KRIT1: variants seen among roughly 807,000 people sequenced by gnomAD.
KRIT1 encodes the protein krev interaction trapped protein 1.
In KRIT1, 45 loss-of-function variants were observed where a neutral mutation model predicts 95.8. That is an observed-to-expected ratio of 0.47 (90% confidence interval 0.37 to 0.60). The LOEUF (loss-of-function observed/expected upper bound fraction) is 0.60. Among genes scored for constraint, KRIT1 ranks in the 20% least tolerant of loss-of-function variants. The pLI is 0.00. For synonymous variants in KRIT1, 282 were observed against 278.8 expected, an observed-to-expected ratio of 1.01 and a Z score of -0.11; for missense variants, 788 against 877.5, an observed-to-expected ratio of 0.90 and a Z score of 1.29.
At chr7:92,235,690 A>C (rs759702933) in intron 7 of KRIT1, 44 bp from the exon 8 acceptor site, 4 of 1,593,680 alleles carry the variant, frequency 2.5e-6, no homozygotes, top group Admixed American at 1.7e-5. Flanking sequence ...TTCGAAAGTG[A>C]AGATGAAAAA....
At chr7:92,242,197 T>A in intron 3 of KRIT1, 60 bp from the exon 4 acceptor site, 3 of 914,182 alleles carry the variant, frequency 3.3e-6, no homozygotes, top group Admixed American at 1.8e-5. Flanking sequence ...GATGGCAAGA[T>A]AAAAAAAAGT....
chr7:92,213,437 A>C (rs1459813810), intron 16 of KRIT1, 36 bp from the exon 17 acceptor site: 7 of 1,399,376 alleles, frequency 5.0e-6, no homozygotes, highest in Non-Finnish European at 6.1e-6. Context: ...AATAAAAGAG[A>C]TATGAAAGGA....
chr7:92,239,510 G>C (rs1430714341), intron 5 of KRIT1, among the ~76,000 whole-genome samples: 2 of 152,138 alleles, frequency 1.3e-5, no homozygotes, highest in Non-Finnish European at 2.9e-5. Context: ...GACTGAGGTA[G>C]ATAAGACTGA....
chr7:92,228,456 T>C (rs1796646717), intron 10 of KRIT1, among the ~76,000 whole-genome samples: 1 of 152,218 alleles, frequency 6.6e-6, no homozygotes, highest in South Asian at 2.1e-4. Context: ...TGATTTTCCA[T>C]CTGTTTTTCC....
chr7:92,221,975 A>G lies in KRIT1; in HGVS notation c.1490T>C (p.Leu497Pro), dbSNP rs1161326710. Residue 497 changes from leucine to proline, a missense_variant, in exon 14 of 19, where the codon CTG becomes CCG. Coordinates refer to ENST00000394505, the MANE Select transcript of KRIT1 (RefSeq NM_194454.3). ...CTGAGGTGTTTCCCTTTGAGGATCC[A>G]GATTAGTCAATTCAGCAAGTATTTC... ...WPEILAELTNLDPQRETPQLF... is the reference protein window; with the variant it reads ...WPEILAELTNPDPQRETPQLF... 3.7e-6 allele frequency: 6 copies of G among 1,613,370 alleles called. No homozygotes were observed. The highest frequency in any genetic ancestry group is 2.7e-5 in the African/African-American group (2 of 74,914).
intron 10 of KRIT1, among the ~76,000 whole-genome samples, chr7:92,229,426 A>G (rs1236174994): frequency 6.6e-6 from 1 of 152,194 alleles, no homozygotes; most frequent in Admixed American, 6.6e-5. Flanking sequence ...TCCAGCACCT[A>G]TAAGAAACTT....
In KRIT1 at chr7:92,244,949, C is replaced by T. The variant is rs1800555585; in HGVS notation, c.-198G>A. On this transcript the variant is annotated 5_prime_UTR_variant, in exon 2 of 19. Coordinates refer to ENST00000394505, the MANE Select transcript of KRIT1 (RefSeq NM_194454.3). Reference sequence around the variant, plus strand: ...AGGGCATTTCTGGTTGTCACTATGACTGATGAGGGGAGATGTACAACTGCC... The same window carrying T: ...AGGGCATTTCTGGTTGTCACTATGATTGATGAGGGGAGATGTACAACTGCC... 6.6e-6 allele frequency: 1 copy of T among 152,018 alleles called. No homozygotes were observed. The highest frequency in any genetic ancestry group is 1.5e-5 in the Non-Finnish European group (1 of 68,032). The allele number at this position is 152,018 out of a possible 1,614,324, so 9.4% of individuals were successfully genotyped here. A position where few individuals can be genotyped will look rare whatever the true frequency, so the allele number is the denominator to read the frequency against.
intron 17 of KRIT1, among the ~76,000 whole-genome samples, chr7:92,208,693 C>T (rs968884870): frequency 6.6e-6 from 1 of 151,972 alleles, no homozygotes; most frequent in Admixed American, 6.6e-5. Flanking sequence ...GATAAATTCT[C>T]GGTAATGAGG....
At chr7:92,220,012 T>G (rs1794803709) in intron 14 of KRIT1, among the ~76,000 whole-genome samples, 1 of 152,246 alleles carries the variant, frequency 6.6e-6, no homozygotes, top group South Asian at 2.1e-4. Context: ...CTAGCTTTCT[T>G]GTGGATTCTT....
intron 10 of KRIT1, 22 bp from the exon 11 acceptor site, chr7:92,226,704 C>CA (rs749027932): frequency 6.2e-7 from 1 of 1,607,678 alleles, no homozygotes; most frequent in Admixed American, 1.7e-5. Context: ...AACAAACAAA[C>CA]AAAAAACAAC....
chr7:92,240,967 T>A, intron 5 of KRIT1, 26 bp downstream of exon 5: 2 of 1,539,386 alleles, frequency 1.3e-6, no homozygotes, highest in Non-Finnish European at 1.8e-6. Flanking sequence ...TTAAACAATG[T>A]GTTTTTTAAA....
At chr7:92,208,039 T>C (rs745317615) in intron 17 of KRIT1, among the ~76,000 whole-genome samples, 10 of 151,778 alleles carry the variant, frequency 6.6e-5, no homozygotes, top group Non-Finnish European at 1.3e-4. Flanking sequence ...AAACTATAAA[T>C]CAGTAACAAA....
intron 14 of KRIT1, among the ~76,000 whole-genome samples, chr7:92,216,033 T>C (rs1771793407): frequency 6.6e-6 from 1 of 151,808 alleles, no homozygotes; most frequent in Non-Finnish European, 1.5e-5. Context: ...ATCGAGACCA[T>C]GCTGGCTAAC....
chr7:92,217,458 C>A (rs1794221720), intron 14 of KRIT1, among the ~76,000 whole-genome samples: 4 of 152,116 alleles, frequency 2.6e-5, no homozygotes, highest in South Asian at 4.1e-4. Flanking sequence ...CCTCTGATAA[C>A]CTCCAATCTA....
intron 18 of KRIT1, 143 bp downstream of exon 18, chr7:92,201,155 AGAAGGCCTG>A (rs1790049129): frequency 1.6e-6 from 1 of 630,928 alleles, no homozygotes. Context: ...TTCCTTGCTT[AGAAGGCCTG>A]GCTTTATTCC....
chr7:92,234,803 A>G lies in KRIT1; in HGVS notation c.845+5T>C. On this transcript the variant is annotated splice_donor_5th_base_variant and intron_variant, in intron 9 of 18. Transcript: ENST00000394505. ...AAGCAATGTGGAGTAAAACCGAAAC[A>G]GTACTTGTCTTCTGTGACACTGCTC... 6 of 1,512,470 alleles carry G rather than the reference A, an allele frequency of 4.0e-6. No individual in the cohort carries two copies. Among genetic ancestry groups the G allele is most frequent in the Non-Finnish European group, 5.5e-6 (6 of 1,087,252 alleles). 93.7% of individuals were successfully genotyped at this position (1,512,470 alleles called of 1,614,324 possible). A position where few individuals can be genotyped will look rare whatever the true frequency, so the allele number is the denominator to read the frequency against.
chr7:92,203,053 A>C (rs1455633089), intron 17 of KRIT1, among the ~76,000 whole-genome samples: 1 of 152,214 alleles, frequency 6.6e-6, no homozygotes, highest in Non-Finnish European at 1.5e-5. Flanking sequence ...ATACAACTGT[A>C]GTATAGTTAC....
intron 8 of KRIT1, 98 bp downstream of exon 8, chr7:92,235,305 G>T: frequency 8.0e-7 from 1 of 1,255,916 alleles, no homozygotes; most frequent in Non-Finnish European, 1.1e-6. Context: ...AGGCCTTCAT[G>T]TTTATAATTA....
chr7:92,230,905 G>C (rs567578313), intron 10 of KRIT1, among the ~76,000 whole-genome samples: 2 of 152,110 alleles, frequency 1.3e-5, no homozygotes, highest in African/African-American at 2.4e-5. Context: ...GAGTAGAAAC[G>C]TTTAGAATAG....
Sources: allele counts gnomAD v4.1 joint callset (sites outside exome capture counted in the v4.1 genomes callset), GRCh38; gene constraint gnomAD v4.1.1; transcripts MANE v1.5; gene names NCBI Gene and HGNC (gene_info 2026-07-23, HGNC 2026-07-21).